The following JAK3 variants were observed in gnomAD, a reference collection of about 807,000 sequenced individuals.
JAK3 encodes the protein tyrosine-protein kinase JAK3.
A neutral mutation model predicts 120.8 loss-of-function variants in JAK3; 88 were observed. That is an observed-to-expected ratio of 0.73 (90% CI 0.61 to 0.87). JAK3 has a LOEUF of 0.87. JAK3 is among the 40% of genes least tolerant of loss of function. JAK3 has a pLI of 0.00. For missense variants in JAK3, 1,254 were observed against 1,501.4 expected, an observed-to-expected ratio of 0.84 and a Z score of 2.72; for synonymous variants, 592 against 628.6, an observed-to-expected ratio of 0.94 and a Z score of 0.87.
chr19:17,831,547 G>T lies in JAK3; in HGVS notation c.2805+127C>A. 6.7e-7 allele frequency: 1 copy of T among 1,500,380 alleles called. No homozygotes were observed. Among genetic ancestry groups the T allele is most frequent in the Non-Finnish European group, 9.0e-7 (1 of 1,114,342 alleles). 92.9% of individuals were successfully genotyped at this position (1,500,380 alleles called of 1,614,324 possible). On this transcript the variant is annotated intron_variant, in intron 20 of 23. Coordinates refer to ENST00000458235, the MANE Select transcript of JAK3 (RefSeq NM_000215.4). This position sits in a 1 kb window ranked among gnomAD's most constrained non-coding sequence, Gnocchi z 5.1. Reference sequence around the variant, plus strand: ...CTGAAGTTCTGATCCTGAGCCCTAAGCCAACCCCACCACTCCCGAGACCTG... The same window carrying T: ...CTGAAGTTCTGATCCTGAGCCCTAATCCAACCCCACCACTCCCGAGACCTG...
chr19:17,829,718 C>T, intron 23 of JAK3: 1 of 356,412 alleles, frequency 2.8e-6, no homozygotes, highest in Non-Finnish European at 5.1e-6. Flanking sequence ...TATAATTGCA[C>T]CCCAGCCTGG....
rs1366882207 is a variant in JAK3 at position 17,841,242 on chromosome 19, G to A, written c.1142+147C>T. On this transcript the variant is annotated intron_variant, in intron 8 of 23. Transcript: ENST00000458235. This position sits in a 1 kb window ranked among gnomAD's most constrained non-coding sequence, Gnocchi z 4.1. ...CCTGTGAAGCAGAAGGAATACTTCA[G>A]CTTCACTGAGCGCTGACTGTGCGGC... 10 of 756,462 alleles carry A rather than the reference G, an allele frequency of 1.3e-5. No individual in the cohort carries two copies. The highest frequency in any genetic ancestry group is 1.7e-5 in the Non-Finnish European group (8 of 474,580). 46.9% of individuals were successfully genotyped at this position (756,462 alleles called of 1,614,324 possible).
chr19:17,826,273 T>C lies in JAK3; in HGVS notation c.*470A>G, dbSNP rs1055202470. The C allele has an allele frequency of 3.3e-5, 6 of 183,318 alleles. No individual in the cohort carries two copies. Among genetic ancestry groups the C allele is most frequent in the African/African-American group, 1.4e-4 (6 of 42,008 alleles). 11.4% of individuals were successfully genotyped at this position (183,318 alleles called of 1,614,324 possible). ...GGTGGTGCACACCTGTAATCCCAGCTACTCGGGAGGCTGAGGCAGGAGAAT... is the reference window on the plus strand; with the variant it reads ...GGTGGTGCACACCTGTAATCCCAGCCACTCGGGAGGCTGAGGCAGGAGAAT... On this transcript the variant is annotated 3_prime_UTR_variant, in exon 24 of 24. Coordinates refer to ENST00000458235, the MANE Select transcript of JAK3 (RefSeq NM_000215.4).
intron 23 of JAK3, 141 bp downstream of exon 23, chr19:17,829,967 G>T: frequency 1.4e-6 from 1 of 709,970 alleles, no homozygotes. Flanking sequence ...TGAGAGAGTA[G>T]CCAAGTGGGG....
chr19:17,847,128 C>T (rs977873878), intron 1 of JAK3, among the ~76,000 whole-genome samples: 1 of 152,116 alleles, frequency 6.6e-6, no homozygotes, highest in Non-Finnish European at 1.5e-5. Context: ...GAACTCCTGA[C>T]CTCCAGTGAT....
Position 17,839,574 on chromosome 19 carries a change from G to T in JAK3, c.1344C>A (p.Ser448Arg). The T allele has an allele frequency of 6.2e-7, 1 of 1,611,096 alleles. No individual in the cohort carries two copies. Among genetic ancestry groups the T allele is most frequent in the Admixed American group, 1.7e-5 (1 of 59,530 alleles). The change falls in exon 10 of 24, where the codon AGC becomes AGA. Residue 448 changes from serine (S) to arginine (R), a missense_variant. By Grantham distance (110) the Ser-to-Arg change is moderately radical. This residue lies in a region of JAK3 where 486 missense variants were observed against 503.0 expected (regional missense o/e 0.97). Coordinates refer to ENST00000458235, the MANE Select transcript of JAK3 (RefSeq NM_000215.4). ...AGGTTGCCAGGAGCTCTCGAAGACT[G>T]CTGTGGGGTCGGCTGAGGCCAACCA... Reference protein sequence around the residue: ...FLLVGLSRPHSSLRELLATCW... With the variant: ...FLLVGLSRPHRSLRELLATCW...
intron 8 of JAK3, 147 bp from the exon 9 acceptor site, chr19:17,840,488 GCGCCGTGGCTCA>G (rs1344578269): frequency 1.5e-6 from 1 of 657,274 alleles, no homozygotes; most frequent in Non-Finnish European, 2.7e-6. Flanking sequence ...CATGGGCCAG[GCGCCGTGGCTCA>G]CGCCTGTAAT....
Position 17,843,741 on chromosome 19 carries a change from T to C in JAK3, c.308+36A>G. On this transcript the variant is annotated intron_variant, in intron 3 of 23. Transcript: ENST00000458235. This position sits in a 1 kb window ranked among gnomAD's most constrained non-coding sequence, Gnocchi z 5.4. The stretch of plus-strand genomic sequence containing the variant: ...CTCGAAATGCAAGGAGATGATAAAA[T>C]TGTACAATCCCTGGGGGCTGGGGGG... 3 of 1,611,844 alleles carry C rather than the reference T, an allele frequency of 1.9e-6. No individual in the cohort carries two copies. The highest frequency in any genetic ancestry group is 2.5e-6 in the Non-Finnish European group (3 of 1,179,206).
chr19:17,833,036 A>G, intron 17 of JAK3, 107 bp from the exon 18 acceptor site: 3 of 1,521,580 alleles, frequency 2.0e-6, no homozygotes, highest in Non-Finnish European at 1.8e-6. Flanking sequence ...CTCTCTGTGC[A>G]TTATGGCAGG....
chr19:17,844,569 C>T (rs1172889245), intron 1 of JAK3, 139 bp from the exon 2 acceptor site: 21 of 702,058 alleles, frequency 3.0e-5, no homozygotes, highest in Non-Finnish European at 4.4e-5. Context: ...GAGGCCGAGG[C>T]GGGAGGATCA....
At chr19:17,838,440 C>T in intron 10 of JAK3, 50 bp from the exon 11 acceptor site, 2 of 1,612,194 alleles carry the variant, frequency 1.2e-6, no homozygotes, top group African/African-American at 2.7e-5. Context: ...GGTGAAAAGT[C>T]CCCAAGGGTT....
chr19:17,835,475 G>A (rs2094222546), intron 14 of JAK3, among the ~76,000 whole-genome samples: 1 of 152,096 alleles, frequency 6.6e-6, no homozygotes, highest in Non-Finnish European at 1.5e-5. Flanking sequence ...CCTCAGCCTG[G>A]CATTCAAGGC....
intron 1 of JAK3, among the ~76,000 whole-genome samples, chr19:17,846,582 GGTTT>G (rs760282242): frequency 8.5e-5 from 13 of 152,160 alleles, no homozygotes; most frequent in Admixed American, 2.0e-4. Flanking sequence ...CAAGTTTTTT[GGTTT>G]GTTTGTTTGT....
intron 1 of JAK3, among the ~76,000 whole-genome samples, chr19:17,844,873 GC>G (rs1177416084): frequency 1.3e-5 from 2 of 150,980 alleles, no homozygotes; most frequent in East Asian, 1.9e-4. Context: ...GAGGAAACTG[GC>G]CCCCTGCTTC....
In JAK3 at chr19:17,843,597, C is replaced by A; in HGVS notation, c.309-106G>T. The stretch of plus-strand genomic sequence containing the variant: ...AGATTCTGCGGAGGCCTCACAGAGC[C>A]CAGCTTGTACCTTTAACTTGCTGTG... On this transcript the variant is annotated intron_variant, in intron 3 of 23. Transcript: ENST00000458235. The surrounding 1 kb of genome is among the most constrained non-coding windows in gnomAD (Gnocchi z 5.4). 1 of 1,154,414 alleles carries A rather than the reference C, an allele frequency of 8.7e-7. No homozygotes were observed. Among genetic ancestry groups the A allele is most frequent in the Non-Finnish European group, 1.3e-6 (1 of 770,294 alleles). The allele number at this position is 1,154,414 out of a possible 1,614,324, so 71.5% of individuals were successfully genotyped here.
intron 13 of JAK3, 102 bp from the exon 14 acceptor site, chr19:17,836,153 CTCTG>C (rs1468382728): frequency 4.4e-6 from 6 of 1,372,196 alleles, no homozygotes; most frequent in Non-Finnish European, 5.1e-6. Context: ...AAACTCTCAT[CTCTG>C]TCTGTTCCCT....
chr19:17,830,673 G>C, intron 21 of JAK3, 53 bp from the exon 22 acceptor site: 2 of 1,446,236 alleles, frequency 1.4e-6, no homozygotes, highest in Non-Finnish European at 1.9e-6. Context: ...GACAGGAAGA[G>C]GGGGGCAGCC....
chr19:17,833,073 T>C, intron 17 of JAK3, 144 bp from the exon 18 acceptor site: 1 of 1,442,268 alleles, frequency 6.9e-7, no homozygotes, highest in South Asian at 1.4e-5. Flanking sequence ...GGGTACCTTG[T>C]GGAGACTGGA....
At chr19:17,845,044 G>A (rs548912282) in intron 1 of JAK3, among the ~76,000 whole-genome samples, 138 of 152,230 alleles carry the variant, frequency 9.1e-4, no homozygotes, top group African/African-American at 3.2e-3. Flanking sequence ...AAGAAGATCT[G>A]AAGAAAGTGT....
Sources: allele counts gnomAD v4.1 joint callset (sites outside exome capture counted in the v4.1 genomes callset), GRCh38; gene constraint gnomAD v4.1.1; regional missense constraint gnomAD v4.1.1; non-coding constraint Gnocchi (gnomAD v3.1); transcripts MANE v1.5; gene names NCBI Gene and HGNC (gene_info 2026-07-23, HGNC 2026-07-21).